Variants in NBEA observed in about 807,000 individuals in gnomAD.
The protein encoded by NBEA is neurobeachin, also known as lysosomal-trafficking regulator 2.
A neutral mutation model predicts 343.4 loss-of-function variants in NBEA; 44 were observed. That is an observed-to-expected ratio of 0.13 (90% CI 0.10 to 0.16). The LOEUF (loss-of-function observed/expected upper bound fraction) is 0.16. Ranked by LOEUF, NBEA falls within the 10% of genes least tolerant of loss-of-function variation. The pLI, the probability that NBEA is intolerant of heterozygous loss-of-function variation, is 1.00. For missense variants in NBEA, 2,555 were observed against 3,631.3 expected, an observed-to-expected ratio of 0.70 and a Z score of 7.62; for synonymous variants, 1,175 against 1,238.7, an observed-to-expected ratio of 0.95 and a Z score of 1.08.
At chr13:35,143,629 A>G (rs2068218428) in intron 18 of NBEA, among the ~76,000 whole-genome samples, 1 of 152,226 alleles carries the variant, frequency 6.6e-6, no homozygotes, top group East Asian at 1.9e-4. Context: ...ATTAAACAGA[A>G]TATCTCATCA....
intron 8 of NBEA, among the ~76,000 whole-genome samples, chr13:35,067,129 C>T (rs187418133): frequency 2.6e-5 from 4 of 152,062 alleles, no homozygotes; most frequent in African/African-American, 7.2e-5. Flanking sequence ...CCCAACATGA[C>T]GTAATTATTA....
At chr13:35,378,763 C>G (rs1489803227) in intron 38 of NBEA, among the ~76,000 whole-genome samples, 1 of 151,706 alleles carries the variant, frequency 6.6e-6, no homozygotes, top group Non-Finnish European at 1.5e-5. Context: ...TAGATGAAGA[C>G]ACAGACAATT....
intron 13 of NBEA, among the ~76,000 whole-genome samples, chr13:35,115,403 A>G (rs2152666429): frequency 6.6e-6 from 1 of 152,236 alleles, no homozygotes; most frequent in Middle Eastern, 3.4e-3. Context: ...AATATTACCA[A>G]TGAGCCTGAA....
chr13:35,381,149 T>C (rs2041993009), intron 38 of NBEA, among the ~76,000 whole-genome samples: 1 of 152,210 alleles, frequency 6.6e-6, no homozygotes, highest in African/African-American at 2.4e-5. Context: ...TGTAAACTTC[T>C]TGACAGTTTA....
chr13:35,106,605 C>G (rs1354557709), intron 11 of NBEA, among the ~76,000 whole-genome samples: 1 of 151,794 alleles, frequency 6.6e-6, no homozygotes, highest in Non-Finnish European at 1.5e-5. Flanking sequence ...AGAGAATATT[C>G]ATTTATGCAT....
chr13:35,124,785 T>C (rs1353086687), intron 17 of NBEA, among the ~76,000 whole-genome samples: 1 of 148,994 alleles, frequency 6.7e-6, no homozygotes, highest in African/African-American at 2.6e-5. Flanking sequence ...TATATGGATA[T>C]ATACACACAT....
At chr13:35,132,746 C>A (rs143249654) in intron 17 of NBEA, among the ~76,000 whole-genome samples, 3,072 of 152,200 alleles carry the variant, frequency 0.02, 98 homozygotes, top group African/African-American at 0.066. Context: ...AATTAACTGC[C>A]AGTGGGCACA....
chr13:35,097,608 A>G (rs2065405522), intron 10 of NBEA, among the ~76,000 whole-genome samples: 1 of 151,898 alleles, frequency 6.6e-6, no homozygotes, highest in South Asian at 2.1e-4. Flanking sequence ...ATTTCTTTTT[A>G]TTTTGTTTCT....
At chr13:35,137,027 G>A (rs895848672) in intron 17 of NBEA, among the ~76,000 whole-genome samples, 4 of 152,200 alleles carry the variant, frequency 2.6e-5, no homozygotes, top group African/African-American at 7.2e-5. Flanking sequence ...TGTGAGGATG[G>A]TAATTATCTG....
chr13:35,407,827 G>T (rs769150317), intron 38 of NBEA, among the ~76,000 whole-genome samples: 8 of 152,084 alleles, frequency 5.3e-5, no homozygotes, highest in Non-Finnish European at 1.2e-4. Context: ...TCTCTATGAG[G>T]AGACCTACAA....
At position 35,649,844 on chromosome 13, in the gene NBEA, G is replaced by A. The variant is rs1344348538; in HGVS notation, c.7960G>A (p.Val2654Ile). Residue 2654 changes from valine to isoleucine, a missense_variant, in exon 52 of 59, where the codon GTA becomes ATA. This residue lies in a region of NBEA where 61 missense variants were observed against 132.1 expected (regional missense o/e 0.46). Coordinates refer to ENST00000379939, the MANE Select transcript of NBEA (RefSeq NM_001385012.1). ...LFAVNRWHNT[V>I]GLRGAPGYSL... ...TGCAGTGAATAGATGGCACAACACA[G>A]TAGGTATGTGTGCCTGAGCAAATCA... 1.2e-6 allele frequency: 2 copies of A among 1,612,994 alleles called. No individual in the cohort carries two copies. Among genetic ancestry groups the A allele is most frequent in the South Asian group, 1.1e-5 (1 of 90,938 alleles).
Position 35,201,419 on chromosome 13 carries a change from C to T in NBEA, c.5366+5117C>T, listed in dbSNP as rs116139925. 3.6e-3 allele frequency among the ~76,000 whole-genome samples: 555 copies of T among 152,154 alleles called. 3 individuals are homozygous for T. Among genetic ancestry groups the T allele is most frequent in the African/African-American group, 0.011 (474 of 41,540 alleles). ...AGCATGATAGATAACATCATGAGAG[C>T]ATTCACCTTGCGATTTCTGATGAAC... On this transcript the variant is annotated intron_variant, in intron 31 of 58. Transcript: ENST00000379939.
intron 38 of NBEA, among the ~76,000 whole-genome samples, chr13:35,376,013 A>G (rs1299351326): frequency 6.6e-6 from 1 of 152,136 alleles, no homozygotes; most frequent in Non-Finnish European, 1.5e-5. Context: ...CTAATTGGAT[A>G]CCCTATAAAA....
Position 35,333,620 on chromosome 13 carries a change from A to G in NBEA, c.5904-15488A>G, listed in dbSNP as rs570023035. 5.9e-5 allele frequency among the ~76,000 whole-genome samples: 9 copies of G among 152,166 alleles called. No individual in the cohort carries two copies. The South Asian group carries it at 1.4e-3, about 25-fold the overall frequency. On this transcript the variant is annotated intron_variant, in intron 36 of 58. Transcript: ENST00000379939. ...TATAGTCACCCTGTTGTGCTATTCA[A>G]TATTAGGCCTTATTCATTCTTTCTA... is the stretch of plus-strand genomic sequence containing the variant.
intron 36 of NBEA, among the ~76,000 whole-genome samples, chr13:35,325,167 A>G (rs2038454133): frequency 6.6e-6 from 1 of 152,034 alleles, no homozygotes; most frequent in Admixed American, 6.6e-5. Context: ...TAAAAGAATT[A>G]CTCATAAAGC....
chr13:35,258,023 C>A (rs1287774836), intron 34 of NBEA, among the ~76,000 whole-genome samples: 1 of 151,944 alleles, frequency 6.6e-6, no homozygotes, highest in Non-Finnish European at 1.5e-5. Flanking sequence ...TTGTAATGAA[C>A]TTTACATATA....
At chr13:35,372,095 G>A (rs1320933603) in intron 38 of NBEA, among the ~76,000 whole-genome samples, 11 of 152,182 alleles carry the variant, frequency 7.2e-5, no homozygotes, top group Admixed American at 6.5e-4. Flanking sequence ...GAGTTTCCAG[G>A]TGGCTTTCTT....
chr13:35,453,472 A>G (rs974757431), intron 40 of NBEA, among the ~76,000 whole-genome samples: 2 of 152,202 alleles, frequency 1.3e-5, no homozygotes, highest in Admixed American at 1.3e-4. Flanking sequence ...GAGATTTTAT[A>G]TGAGGCCATT....
intron 1 of NBEA, among the ~76,000 whole-genome samples, chr13:35,022,772 C>A (rs974501089): frequency 4.6e-5 from 7 of 151,980 alleles, no homozygotes; most frequent in Admixed American, 3.3e-4. Flanking sequence ...TTAATGTATG[C>A]CAACCTCAGT....
Sources: gnomAD v4.1 joint callset for allele counts (sites outside exome capture counted in the v4.1 genomes callset) on GRCh38, gnomAD v4.1.1 for gene constraint, gnomAD v4.1.1 regional missense constraint, MANE v1.5 for transcripts, NCBI Gene and HGNC (gene_info 2026-07-23, HGNC 2026-07-21) for gene names.